DEFB116: variants seen among roughly 807,000 people sequenced by gnomAD.
DEFB116 encodes the protein defensin beta 116, also known as beta-defensin 116.
Under a neutral mutation model 2.8 loss-of-function variants are expected in DEFB116, and 5 were observed. The ratio of observed to expected loss-of-function variants is 1.80; its 90% CI spans 0.94 to 3.79. DEFB116 has a LOEUF of 3.79. Among genes scored for constraint, DEFB116 ranks in the 30% most tolerant of loss-of-function variants. The pLI is 0.00. For missense variants in DEFB116, 170 were observed against 118.0 expected (o/e 1.44, Z -2.04); for synonymous variants, 56 against 40.8 (o/e 1.37, Z -1.42).
chr20:31,303,261 G>C lies in DEFB116; in HGVS notation c.260C>G (p.Ser87Cys), dbSNP rs560279770. 6.2e-7 allele frequency: 1 copy of C among 1,613,560 alleles called. No homozygotes were observed. The highest frequency in any genetic ancestry group is 1.1e-5 in the South Asian group (1 of 91,080). ...SSKNVKEDYD[S>C]NSNLSVTNSS... is the part of the protein sequence containing the mutation. ...GTTTGTAACTGACAAGTTGGAGTTA[G>C]AGTCGTAATCCTCCTTCACATTTTT... Residue 87 changes from serine (S) to cysteine (C), a missense_variant, in exon 2 of 2, where the codon TCT becomes TGT. Ser to Cys is a moderately radical substitution (Grantham distance 112). Coordinates refer to ENST00000400549, the MANE Select transcript of DEFB116 (RefSeq NM_001037731.1).
chr20:31,308,496 C>A (rs1985046939), intron 1 of DEFB116, 23 bp downstream of exon 1: 2 of 1,612,912 alleles, frequency 1.2e-6, no homozygotes, highest in Non-Finnish European at 1.7e-6. Flanking sequence ...GACGCCAGAA[C>A]CTTTGAGAGA....
Position 31,303,335 on chromosome 20 carries a change from T to C in DEFB116, c.186A>G (p.Pro62=), listed in dbSNP as rs768303355. 54 of 1,613,506 alleles carry C rather than the reference T, an allele frequency of 3.3e-5. No individual in the cohort carries two copies. The highest frequency in any genetic ancestry group is 1.8e-4 in the Admixed American group (11 of 59,980). Residue 62 remains proline, a synonymous_variant, in exon 2 of 2, where the codon CCA becomes CCG. Transcript: ENST00000400549. ...GTTTCAGGCAGCACTTTTGATCATTTGGGCAGGTTAAGTATTGGATTTCAT... is the reference window on the plus strand; with the variant it reads ...GTTTCAGGCAGCACTTTTGATCATTCGGGCAGGTTAAGTATTGGATTTCAT... ...REYEIQYLTC[P]NDQKCCLKLS...
chr20:31,307,966 C>G (rs370493403), intron 1 of DEFB116, among the ~76,000 whole-genome samples: 2 of 152,122 alleles, frequency 1.3e-5, no homozygotes, highest in African/African-American at 2.4e-5. Flanking sequence ...AGCTACAAAC[C>G]TCTCTATACC....
intron 1 of DEFB116, among the ~76,000 whole-genome samples, chr20:31,306,467 T>G (rs996235178): frequency 1.3e-5 from 2 of 152,178 alleles, no homozygotes; most frequent in Non-Finnish European, 2.9e-5. Context: ...GAAGCTACAC[T>G]ATGTACAACT....
intron 1 of DEFB116, 150 bp downstream of exon 1, chr20:31,308,369 T>C: frequency 1.4e-6 from 1 of 693,614 alleles, no homozygotes; most frequent in Non-Finnish European, 2.5e-6. Context: ...TACATGAAAT[T>C]AACCTTGGGA....
At chr20:31,303,752 T>C (rs1984935370) in intron 1 of DEFB116, among the ~76,000 whole-genome samples, 1 of 152,102 alleles carries the variant, frequency 6.6e-6, no homozygotes, top group African/African-American at 2.4e-5. Flanking sequence ...ATCTGGCACA[T>C]AACAAGTAAT....
Position 31,303,259 on chromosome 20 carries a change from T to TA in DEFB116, c.261dup (p.Asn88Ter), listed in dbSNP as rs1984922864. 1 of 1,613,434 alleles carries TA rather than the reference T, an allele frequency of 6.2e-7. No homozygotes were observed. Among genetic ancestry groups the TA allele is most frequent in the African/African-American group, 1.3e-5 (1 of 74,886 alleles). On this transcript the variant is annotated frameshift_variant, in exon 2 of 2. Coordinates refer to ENST00000400549, the MANE Select transcript of DEFB116 (RefSeq NM_001037731.1). LOFTEE classifies it low-confidence loss of function (END_TRUNC). ...CTGTTTGTAACTGACAAGTTGGAGTTAGAGTCGTAATCCTCCTTCACATTT... is the reference window on the plus strand; with the variant it reads ...CTGTTTGTAACTGACAAGTTGGAGTTAAGAGTCGTAATCCTCCTTCACATTT...
intron 1 of DEFB116, among the ~76,000 whole-genome samples, chr20:31,306,807 T>C (rs1468845660): frequency 6.6e-6 from 1 of 152,086 alleles, no homozygotes; most frequent in African/African-American, 2.4e-5. Context: ...CTGAGACTGC[T>C]CCCATATCTC....
At chr20:31,306,917 T>C (rs1985002767) in intron 1 of DEFB116, among the ~76,000 whole-genome samples, 1 of 152,166 alleles carries the variant, frequency 6.6e-6, no homozygotes, top group Non-Finnish European at 1.5e-5. Context: ...TGTTCTTCAG[T>C]GCCCTTGAAA....
At chr20:31,305,627 A>G (rs1893405695) in intron 1 of DEFB116, among the ~76,000 whole-genome samples, 1 of 151,968 alleles carries the variant, frequency 6.6e-6, no homozygotes, top group Non-Finnish European at 1.5e-5. Context: ...CCATCTTCCG[A>G]TTGAAGTCAG....
At position 31,304,511 on chromosome 20, in the gene DEFB116, T is replaced by G. The variant is rs570755948; in HGVS notation, c.68-1058A>C. On this transcript the variant is annotated intron_variant, in intron 1 of 1. Coordinates refer to ENST00000400549, the MANE Select transcript of DEFB116 (RefSeq NM_001037731.1). ...GCTCAAAGAGATGCTTTGTTTTGTC[T>G]GCATTCTCATAGCTTATACTTGATC... Among the ~76,000 whole-genome samples the G allele has an allele frequency of 1.4e-4, 22 of 152,238 alleles. No individual in the cohort carries two copies. The South Asian group carries it at 4.4e-3, about 30-fold the overall frequency.
intron 1 of DEFB116, among the ~76,000 whole-genome samples, chr20:31,304,004 G>A (rs1185246871): frequency 6.6e-6 from 1 of 152,038 alleles, no homozygotes; most frequent in Non-Finnish European, 1.5e-5. Flanking sequence ...GTCTCTCTTT[G>A]TACATTGGCC....
At chr20:31,303,988 A>G (rs1984939654) in intron 1 of DEFB116, among the ~76,000 whole-genome samples, 1 of 152,094 alleles carries the variant, frequency 6.6e-6, no homozygotes, top group Non-Finnish European at 1.5e-5. Flanking sequence ...AACAAGTACT[A>G]CAACTGTCTC....
intron 1 of DEFB116, among the ~76,000 whole-genome samples, chr20:31,305,997 C>T (rs1984983898): frequency 6.6e-6 from 1 of 152,000 alleles, no homozygotes; most frequent in Non-Finnish European, 1.5e-5. Flanking sequence ...AGACATTGCC[C>T]AGCTCATTTT....
intron 1 of DEFB116, among the ~76,000 whole-genome samples, chr20:31,304,550 A>G (rs928736210): frequency 1.3e-5 from 2 of 152,002 alleles, no homozygotes; most frequent in Non-Finnish European, 2.9e-5. Flanking sequence ...CCAGTATTCA[A>G]TTTCTGGTCT....
In DEFB116 at chr20:31,303,484, A is replaced by T. The variant is rs367986701; in HGVS notation, c.68-31T>A. 5 of 1,611,110 alleles carry T rather than the reference A, an allele frequency of 3.1e-6. No homozygotes were observed. The African/African-American group carries it at 6.7e-5, about 22-fold the overall frequency. On this transcript the variant is annotated intron_variant, in intron 1 of 1. Transcript: ENST00000400549. ...AAAGACATGGCCATGTTTAGTTTCC[A>T]TGCAGCAGTGATAATAGGGTGATGA...
chr20:31,306,291 T>A (rs1364997370), intron 1 of DEFB116, among the ~76,000 whole-genome samples: 2 of 152,168 alleles, frequency 1.3e-5, no homozygotes, highest in Admixed American at 1.3e-4. Context: ...CAGAAATGTG[T>A]AGATTTAAAA....
At chr20:31,305,421 C>T (rs911797606) in intron 1 of DEFB116, among the ~76,000 whole-genome samples, 2 of 152,018 alleles carry the variant, frequency 1.3e-5, no homozygotes, top group Non-Finnish European at 2.9e-5. Context: ...GGGCAAGCTG[C>T]CTTAGAAAGT....
chr20:31,304,932 C>T (rs1456587139), intron 1 of DEFB116, among the ~76,000 whole-genome samples: 1 of 151,898 alleles, frequency 6.6e-6, no homozygotes, highest in Non-Finnish European at 1.5e-5. Context: ...AGTAAAATGC[C>T]CAATTTTAGG....
Sources: gnomAD v4.1 joint callset for allele counts (sites outside exome capture counted in the v4.1 genomes callset) on GRCh38, gnomAD v4.1.1 for gene constraint, MANE v1.5 for transcripts, NCBI Gene and HGNC (gene_info 2026-07-23, HGNC 2026-07-21) for gene names.